S100A7A: variants seen among roughly 807,000 people sequenced by gnomAD.
The protein encoded by S100A7A is protein S100-A7A.
S100A7A carries 5 observed loss-of-function variants against 4.0 expected under a neutral mutation model. The observed-to-expected ratio is 1.26, with a 90% CI of 0.66 to 2.66. S100A7A has a LOEUF of 2.66. Among genes scored for constraint, S100A7A ranks in the 30% most tolerant of loss-of-function variants. The pLI is 0.01. For missense variants in S100A7A, 159 were observed against 125.1 expected (o/e 1.27, Z -1.29); for synonymous variants, 52 against 46.4 (o/e 1.12, Z -0.49).
rs753576768 is a variant in S100A7A at position 153,418,187 on chromosome 1, G to A, written c.105G>A (p.Met35Ile). Residue 35 changes from methionine to isoleucine, a missense_variant, in exon 2 of 3, where the codon ATG (methionine) becomes ATA (isoleucine). Physicochemically the swap from Met to Ile is conservative, Grantham distance 10. Transcript: ENST00000368729. ...GKIEKPSLLTMMKENFPNFLS... is the reference protein window; with the variant it reads ...GKIEKPSLLTIMKENFPNFLS... ...TTGAGAAGCCAAGCCTGCTGACGAT[G>A]ATGAAGGAGAACTTCCCCAATTTCC... 3.7e-6 allele frequency: 6 copies of A among 1,613,996 alleles called. No individual in the cohort carries two copies. Among genetic ancestry groups the A allele is most frequent in the Non-Finnish European group, 5.1e-6 (6 of 1,179,904 alleles).
chr1:153,416,608 C>A, intron 1 of S100A7A, 45 bp downstream of exon 1: 1 of 444,806 alleles, frequency 2.2e-6, no homozygotes, highest in Non-Finnish European at 4.5e-6. Flanking sequence ...GTGCCCAGTG[C>A]CCAGCCTGCC....
chr1:153,422,003 G>C lies in S100A7A; in HGVS notation c.*2694G>C, dbSNP rs1293773765. On this transcript the variant is annotated 3_prime_UTR_variant, in exon 3 of 3. Coordinates refer to ENST00000368729, the MANE Select transcript of S100A7A (RefSeq NM_176823.4). Reference sequence around the variant, plus strand: ...ATGCAGGACTCATCACATCTATTCGGATATTCTGTTTACACACCCATGTCA... The same window carrying C: ...ATGCAGGACTCATCACATCTATTCGCATATTCTGTTTACACACCCATGTCA... 1 of 152,184 alleles carries C rather than the reference G, an allele frequency of 6.6e-6. No homozygotes were observed. The highest frequency in any genetic ancestry group is 1.5e-5 in the Non-Finnish European group (1 of 68,046). 9.4% of individuals were successfully genotyped at this position (152,184 alleles called of 1,614,324 possible).
In S100A7A at chr1:153,418,093, C is replaced by G. The variant is rs148917755; in HGVS notation, c.11C>G (p.Thr4Ser). ...TTTTTGAAAGCAAAGATGAGCAACA[C>G]TCAAGCTGAGAGGTCCATAATAGGC... Reference protein sequence around the residue: MSNTQAERSIIGMI... With the variant: MSNSQAERSIIGMI... The change falls in exon 2 of 3, where the codon ACT becomes AGT. Residue 4 changes from threonine to serine, a missense_variant. Thr to Ser is a moderately conservative substitution (Grantham distance 58). Coordinates refer to ENST00000368729, the MANE Select transcript of S100A7A (RefSeq NM_176823.4). 1.3e-4 allele frequency: 211 copies of G among 1,614,152 alleles called. No homozygotes were observed. In the African/African-American group the frequency reaches 2.5e-3, roughly 19 times the overall value.
rs1289511443 is a variant in S100A7A at position 153,422,978 on chromosome 1, C to T, written c.*3669C>T. The T allele has an allele frequency of 2.6e-5, 4 of 152,024 alleles. No individual in the cohort carries two copies. Among genetic ancestry groups the T allele is most frequent in the Non-Finnish European group, 4.4e-5 (3 of 68,012 alleles). The allele number at this position is 152,024 out of a possible 1,614,324, so 9.4% of individuals were successfully genotyped here. A position where few individuals can be genotyped will look rare whatever the true frequency, so the allele number is the denominator to read the frequency against. ...GAGGTAGTTTCTTTGGTATTCTTGC[C>T]CAGGAAATGGGTTGATTCATCACAG... On this transcript the variant is annotated 3_prime_UTR_variant, in exon 3 of 3. Coordinates refer to ENST00000368729, the MANE Select transcript of S100A7A (RefSeq NM_176823.4).
Position 153,419,457 on chromosome 1 carries a change from C to A in S100A7A, c.*148C>A. ...TAACTTTGTTGGAGAATTTCCCCCA[C>A]CCCCATCCAGTGGGTCACCCAGGAG... On this transcript the variant is annotated 3_prime_UTR_variant, in exon 3 of 3. Coordinates refer to ENST00000368729, the MANE Select transcript of S100A7A (RefSeq NM_176823.4). The A allele has an allele frequency of 2.1e-6, 2 of 930,872 alleles. No individual in the cohort carries two copies. Among genetic ancestry groups the A allele is most frequent in the Admixed American group, 2.9e-5 (1 of 34,490 alleles). The allele number at this position is 930,872 out of a possible 1,614,324, so 57.7% of individuals were successfully genotyped here.
At chr1:153,418,313 A>G in intron 2 of S100A7A, 90 bp downstream of exon 2, 1 of 1,530,436 alleles carries the variant, frequency 6.5e-7, no homozygotes. Flanking sequence ...GGTCACCCTC[A>G]TCCTCTGATT....
chr1:153,417,750 G>T lies in S100A7A; in HGVS notation c.-17-316G>T, dbSNP rs543872053. Among the ~76,000 whole-genome samples the T allele has an allele frequency of 1.4e-3, 209 of 152,266 alleles. 1 individual carries two copies. Among genetic ancestry groups the T allele is most frequent in the African/African-American group, 3.2e-3 (132 of 41,538 alleles). On this transcript the variant is annotated intron_variant, in intron 1 of 2. Coordinates refer to ENST00000368729, the MANE Select transcript of S100A7A (RefSeq NM_176823.4). Reference sequence around the variant, plus strand: ...CGCCATGTGCTGGTTGAGGCTGGGGGGTCCCAGCTTAGTTCTTCTATGTGT... The same window carrying T: ...CGCCATGTGCTGGTTGAGGCTGGGGTGTCCCAGCTTAGTTCTTCTATGTGT...
At position 153,419,484 on chromosome 1, in the gene S100A7A, A is replaced by G. The variant is rs1292005398; in HGVS notation, c.*175A>G. 2.8e-6 allele frequency: 2 copies of G among 704,808 alleles called. No homozygotes were observed. Among genetic ancestry groups the G allele is most frequent in the Non-Finnish European group, 4.7e-6 (2 of 423,746 alleles). The allele number at this position is 704,808 out of a possible 1,614,324, so 43.7% of individuals were successfully genotyped here. A position where few individuals can be genotyped will look rare whatever the true frequency, so the allele number is the denominator to read the frequency against. On this transcript the variant is annotated 3_prime_UTR_variant, in exon 3 of 3. Coordinates refer to ENST00000368729, the MANE Select transcript of S100A7A (RefSeq NM_176823.4). ...CCCATCCAGTGGGTCACCCAGGAGT[A>G]ATGTCCCTCCAGCAACGTTCCCCCT...
chr1:153,422,463 C>CAT lies in S100A7A; in HGVS notation c.*3155_*3156dup. 2.1e-6 allele frequency: 2 copies of CAT among 949,182 alleles called. No individual in the cohort carries two copies. Among genetic ancestry groups the CAT allele is most frequent in the Non-Finnish European group, 2.5e-6 (2 of 796,964 alleles). 58.8% of individuals were successfully genotyped at this position (949,182 alleles called of 1,614,324 possible). On this transcript the variant is annotated 3_prime_UTR_variant, in exon 3 of 3. Coordinates refer to ENST00000368729, the MANE Select transcript of S100A7A (RefSeq NM_176823.4). ...TTTGGAATAATTAATAGCTACTGGA[C>CAT]ATTATATTGGTACTAAAGAGAAAGA...
rs747531371 is a variant in S100A7A at position 153,422,564 on chromosome 1, G to A, written c.*3255G>A. The stretch of plus-strand genomic sequence containing the variant: ...ATTCTGGAAATCCAAATGTTCCCCA[G>A]AAATTCTGATATCAAAACATTCCAA... On this transcript the variant is annotated 3_prime_UTR_variant, in exon 3 of 3. Coordinates refer to ENST00000368729, the MANE Select transcript of S100A7A (RefSeq NM_176823.4). The A allele has an allele frequency of 1.0e-6, 1 of 983,892 alleles. No individual in the cohort carries two copies. The highest frequency in any genetic ancestry group is 1.7e-5 in the African/African-American group (1 of 57,202). 60.9% of individuals were successfully genotyped at this position (983,892 alleles called of 1,614,324 possible). A position where few individuals can be genotyped will look rare whatever the true frequency, so the allele number is the denominator to read the frequency against.
chr1:153,417,275 G>A (rs1345403857), intron 1 of S100A7A: 2 of 152,052 alleles, frequency 1.3e-5, no homozygotes, highest in African/African-American at 2.4e-5. Flanking sequence ...ATCTGCTTTG[G>A]AAAGTCAGAC....
chr1:153,419,370 A>G lies in S100A7A; in HGVS notation c.*61A>G. On this transcript the variant is annotated 3_prime_UTR_variant, in exon 3 of 3. Coordinates refer to ENST00000368729, the MANE Select transcript of S100A7A (RefSeq NM_176823.4). ...AACAATAAGTGTCTCCTCCCACCAGACACTTGCCTTATTTCTTCTTCTCTT... is the reference window on the plus strand; with the variant it reads ...AACAATAAGTGTCTCCTCCCACCAGGCACTTGCCTTATTTCTTCTTCTCTT... 6.6e-7 allele frequency: 1 copy of G among 1,521,692 alleles called. No individual in the cohort carries two copies. Among genetic ancestry groups the G allele is most frequent in the Admixed American group, 2.1e-5 (1 of 47,288 alleles). The allele number at this position is 1,521,692 out of a possible 1,614,324, so 94.3% of individuals were successfully genotyped here. A position where few individuals can be genotyped will look rare whatever the true frequency, so the allele number is the denominator to read the frequency against.
Position 153,419,295 on chromosome 1 carries a change from G to T in S100A7A, c.292G>T (p.Gly98Trp), listed in dbSNP as rs267598049. The T allele has an allele frequency of 6.2e-7, 1 of 1,614,034 alleles. No individual in the cohort carries two copies. The highest frequency in any genetic ancestry group is 2.2e-5 in the East Asian group (1 of 44,864). ...KQSHGAAPCS[G>W]GSQ ...GAGCCATGGAGCGGCGCCCTGTTCT[G>T]GGGGAAGCCAGTGATCCAGCCCCAC... Residue 98 changes from glycine to tryptophan, a missense_variant, in exon 3 of 3, where the codon GGG becomes TGG. Transcript: ENST00000368729.
At position 153,422,039 on chromosome 1, in the gene S100A7A, G is replaced by A. The variant is rs529886478; in HGVS notation, c.*2730G>A. The A allele has an allele frequency of 6.6e-6, 1 of 152,228 alleles. No homozygotes were observed. Among genetic ancestry groups the A allele is most frequent in the Non-Finnish European group, 1.5e-5 (1 of 68,052 alleles). The allele number at this position is 152,228 out of a possible 1,614,324, so 9.4% of individuals were successfully genotyped here. A position where few individuals can be genotyped will look rare whatever the true frequency, so the allele number is the denominator to read the frequency against. ...TACACACCCATGTCATCCCAGAGAG[G>A]TGATCACAGGGCAGGGACACATGTG... is the stretch of plus-strand genomic sequence containing the variant. On this transcript the variant is annotated 3_prime_UTR_variant, in exon 3 of 3. Coordinates refer to ENST00000368729, the MANE Select transcript of S100A7A (RefSeq NM_176823.4).
intron 2 of S100A7A, among the ~76,000 whole-genome samples, chr1:153,418,903 G>A (rs1046369542): frequency 1.8e-4 from 27 of 152,134 alleles, no homozygotes; most frequent in Non-Finnish European, 3.1e-4. Context: ...TTAACAGAGT[G>A]CCTCGGGACA....
At chr1:153,417,676 A>G (rs1662760765) in intron 1 of S100A7A, among the ~76,000 whole-genome samples, 1 of 152,104 alleles carries the variant, frequency 6.6e-6, no homozygotes, top group African/African-American at 2.4e-5. Context: ...TCTCACCCCG[A>G]CTGTGAAGCT....
In S100A7A at chr1:153,418,108, C is replaced by T; in HGVS notation, c.26C>T (p.Ser9Phe). MSNTQAERSIIGMIDMFHK... is the reference protein window; with the variant it reads MSNTQAERFIIGMIDMFHK... The stretch of plus-strand genomic sequence containing the variant: ...ATGAGCAACACTCAAGCTGAGAGGT[C>T]CATAATAGGCATGATCGACATGTTT... The change falls in exon 2 of 3, where the codon TCC becomes TTC. Residue 9 changes from serine to phenylalanine, a missense_variant. By Grantham distance (155) the Ser-to-Phe change is radical (BLOSUM62 -2). Transcript: ENST00000368729. 1.2e-6 allele frequency: 2 copies of T among 1,614,124 alleles called. No individual in the cohort carries two copies. Among genetic ancestry groups the T allele is most frequent in the African/African-American group, 1.3e-5 (1 of 75,006 alleles).
intron 2 of S100A7A, among the ~76,000 whole-genome samples, chr1:153,418,426 A>T (rs920909082): frequency 6.6e-6 from 1 of 152,212 alleles, no homozygotes; most frequent in Admixed American, 6.5e-5. Context: ...TTATACAGAT[A>T]TAAAGGAGGT....
rs1662898611 is a variant in S100A7A, at chr1:153,421,572, G to A, written c.*2263G>A. On this transcript the variant is annotated 3_prime_UTR_variant, in exon 3 of 3. Coordinates refer to ENST00000368729, the MANE Select transcript of S100A7A (RefSeq NM_176823.4). Reference sequence around the variant, plus strand: ...AAATCCAAAAACTTCCAGTCCTGGAGGCAGGTTGTGCAGCTTAGGGGAGGA... The same window carrying A: ...AAATCCAAAAACTTCCAGTCCTGGAAGCAGGTTGTGCAGCTTAGGGGAGGA... The A allele has an allele frequency of 6.6e-6, 1 of 152,212 alleles. No homozygotes were observed. The highest frequency in any genetic ancestry group is 2.1e-4 in the South Asian group (1 of 4,828). 9.4% of individuals were successfully genotyped at this position (152,212 alleles called of 1,614,324 possible).
Sources: allele counts gnomAD v4.1 joint callset (sites outside exome capture counted in the v4.1 genomes callset), GRCh38; gene constraint gnomAD v4.1.1; transcripts MANE v1.5; gene names NCBI Gene and HGNC (gene_info 2026-07-23, HGNC 2026-07-21).